ASAP3: variants seen among roughly 807,000 people sequenced by gnomAD.
ASAP3 encodes arf-GAP with SH3 domain, ANK repeat and PH domain-containing protein 3.
Under a neutral mutation model 118.2 loss-of-function variants are expected in ASAP3, and 85 were observed. The observed-to-expected ratio is 0.72, with a 90% CI of 0.60 to 0.86. The LOEUF is 0.86. Ranked by LOEUF, ASAP3 falls within the 40% of genes least tolerant of loss-of-function variation. ASAP3 has a pLI of 0.00. For missense variants in ASAP3, 1,026 were observed against 1,175.0 expected, an observed-to-expected ratio of 0.87 and a Z score of 1.85; for synonymous variants, 432 against 477.4, an observed-to-expected ratio of 0.90 and a Z score of 1.24.
chr1:23,439,558 G>A (rs746564125), intron 10 of ASAP3, among the ~76,000 whole-genome samples: 108 of 152,110 alleles, frequency 7.1e-4, no homozygotes, highest in Non-Finnish European at 2.8e-4. Flanking sequence ...TATATCATTA[G>A]GGAGCTCCTA....
rs766876537 is a variant in ASAP3 at position 23,456,042 on chromosome 1, C to T, written c.203-16G>A. ...TCCACATGGCCTGTGGAGGTACAGA[C>T]GGGAGCTTGGAGTTAGCTCCAGGCT... On this transcript the variant is annotated splice_polypyrimidine_tract_variant and intron_variant, in intron 2 of 24. Transcript: ENST00000336689. 1.4e-5 allele frequency: 23 copies of T among 1,613,878 alleles called. No homozygotes were observed. The Middle Eastern group carries it at 4.9e-4, about 35-fold the overall frequency.
intron 10 of ASAP3, among the ~76,000 whole-genome samples, chr1:23,439,634 T>C (rs1640794334): frequency 6.6e-6 from 1 of 152,138 alleles, no homozygotes; most frequent in Non-Finnish European, 1.5e-5. Context: ...AGATCAATAT[T>C]AATATCCCCA....
Position 23,483,997 on chromosome 1 carries a change from C to T in ASAP3, c.129+8G>A. Reference sequence around the variant, plus strand: ...GACCCCCGACCCCTCCCGCCTCGGCCCCCTCACCTCCTCCCGCGCCAGCGC... The same window carrying T: ...GACCCCCGACCCCTCCCGCCTCGGCTCCCTCACCTCCTCCCGCGCCAGCGC... On this transcript the variant is annotated splice_region_variant and intron_variant, in intron 1 of 24. Coordinates refer to ENST00000336689, the MANE Select transcript of ASAP3 (RefSeq NM_017707.4). The T allele has an allele frequency of 7.8e-7, 1 of 1,290,114 alleles. No homozygotes were observed. Among genetic ancestry groups the T allele is most frequent in the African/African-American group, 1.5e-5 (1 of 64,832 alleles). 79.9% of individuals were successfully genotyped at this position (1,290,114 alleles called of 1,614,324 possible). A position where few individuals can be genotyped will look rare whatever the true frequency, so the allele number is the denominator to read the frequency against.
At chr1:23,431,230 G>C (rs970320545) in intron 23 of ASAP3, 105 bp from the exon 24 acceptor site, 4 of 1,227,856 alleles carry the variant, frequency 3.3e-6, no homozygotes, top group Non-Finnish European at 4.6e-6. Context: ...TAGGATGGGT[G>C]GGTAGAGTCC....
chr1:23,453,077 C>T (rs539183002), intron 3 of ASAP3, among the ~76,000 whole-genome samples: 96 of 152,154 alleles, frequency 6.3e-4, no homozygotes, highest in Non-Finnish European at 1.2e-3. Context: ...CAGAGTGAGC[C>T]CCTTCCCTGA....
At chr1:23,466,917 G>C (rs1396651338) in intron 1 of ASAP3, among the ~76,000 whole-genome samples, 2 of 151,988 alleles carry the variant, frequency 1.3e-5, no homozygotes, top group Non-Finnish European at 2.9e-5. Context: ...GCCCAGGCTG[G>C]AGTGCAGTGG....
chr1:23,483,555 C>G lies in ASAP3; in HGVS notation c.129+450G>C, dbSNP rs531206863. 8.5e-5 allele frequency among the ~76,000 whole-genome samples: 13 copies of G among 152,174 alleles called. 1 individual carries two copies. In the South Asian group the frequency reaches 2.1e-3, roughly 24 times the overall value. ...ATTCCACAAACGCGGGCCAAATCTC[C>G]GAACCAGCCGCAAGCGGGAGGGGGC... On this transcript the variant is annotated intron_variant, in intron 1 of 24. Transcript: ENST00000336689.
chr1:23,479,448 G>A (rs572386074), intron 1 of ASAP3, among the ~76,000 whole-genome samples: 8 of 152,090 alleles, frequency 5.3e-5, no homozygotes, highest in Non-Finnish European at 1.0e-4. Context: ...CTTCTCTGAC[G>A]ATCAAAAAAC....
intron 3 of ASAP3, among the ~76,000 whole-genome samples, chr1:23,455,045 G>C (rs1435262360): frequency 6.6e-6 from 1 of 152,218 alleles, no homozygotes; most frequent in African/African-American, 2.4e-5. Flanking sequence ...CAGTGCCATG[G>C]AGCCTGGAGG....
At position 23,437,119 on chromosome 1, in the gene ASAP3, C is replaced by A; in HGVS notation, c.1342+11G>T. The A allele has an allele frequency of 6.2e-7, 1 of 1,601,504 alleles. No homozygotes were observed. Among genetic ancestry groups the A allele is most frequent in the Non-Finnish European group, 8.5e-7 (1 of 1,173,568 alleles). ...TTAAGCCTCCCTCCTGCCCCGGCCC[C>A]GGGGACCGACCTGCAGCCCCGCAGT... On this transcript the variant is annotated intron_variant, in intron 14 of 24. Transcript: ENST00000336689. The surrounding 1 kb of genome is among the most constrained non-coding windows in gnomAD (Gnocchi z 6.1).
chr1:23,476,219 G>A (rs186174523), intron 1 of ASAP3, among the ~76,000 whole-genome samples: 105 of 151,908 alleles, frequency 6.9e-4, no homozygotes, highest in African/African-American at 2.4e-3. Context: ...GGTAGCGGGC[G>A]CCTGTAGCCC....
rs761381381 is a variant in ASAP3, at chr1:23,483,996, C to A, written c.129+9G>T. 4,942 of 1,285,616 alleles carry A rather than the reference C, an allele frequency of 3.8e-3. 15 individuals carry two copies. Among genetic ancestry groups the A allele is most frequent in the Non-Finnish European group, 4.5e-3 (4,624 of 1,017,760 alleles). The allele number at this position is 1,285,616 out of a possible 1,614,324, so 79.6% of individuals were successfully genotyped here. ...CGACCCCCGACCCCTCCCGCCTCGG[C>A]CCCCTCACCTCCTCCCGCGCCAGCG... On this transcript the variant is annotated intron_variant, in intron 1 of 24. Coordinates refer to ENST00000336689, the MANE Select transcript of ASAP3 (RefSeq NM_017707.4).
chr1:23,430,693 G>A (rs926467532), intron 24 of ASAP3, among the ~76,000 whole-genome samples: 2 of 152,212 alleles, frequency 1.3e-5, no homozygotes, highest in African/African-American at 4.8e-5. Context: ...TGGGCCTCAT[G>A]ATCACTGCCA....
chr1:23,473,202 G>A (rs142426083), intron 1 of ASAP3, among the ~76,000 whole-genome samples: 130 of 152,346 alleles, frequency 8.5e-4, no homozygotes, highest in African/African-American at 3.0e-3. Flanking sequence ...CTGCTCATCA[G>A]TTACCTGGGA....
At chr1:23,460,528 C>CAAAAAA (rs1558161244) in intron 1 of ASAP3, among the ~76,000 whole-genome samples, 10 of 140,388 alleles carry the variant, frequency 7.1e-5, no homozygotes, top group African/African-American at 1.3e-4. Flanking sequence ...AAAAAAAAAC[C>CAAAAAA]AAACAAAAAC....
At chr1:23,467,876 C>T (rs541882681) in intron 1 of ASAP3, among the ~76,000 whole-genome samples, 14 of 147,712 alleles carry the variant, frequency 9.5e-5, no homozygotes, top group African/African-American at 2.0e-4. Flanking sequence ...TGCTTGAACC[C>T]GGGAGGCAGA....
intron 1 of ASAP3, among the ~76,000 whole-genome samples, chr1:23,456,483 T>TGTGCC (rs1325769625): frequency 1.2e-4 from 18 of 152,120 alleles, no homozygotes; most frequent in Non-Finnish European, 2.5e-4. Flanking sequence ...CATGACAGGG[T>TGTGCC]GTGCCAGGCC....
intron 19 of ASAP3, 33 bp from the exon 20 acceptor site, chr1:23,433,726 T>C (rs770519714): frequency 8.7e-6 from 14 of 1,613,390 alleles, no homozygotes; most frequent in African/African-American, 4.0e-5. Context: ...TTCATGGTCA[T>C]AGTCAAAGAA....
Position 23,456,140 on chromosome 1 carries a change from T to C in ASAP3, c.184A>G (p.Ile62Val), listed in dbSNP as rs369898744. ...CACTTACCAAGGCCGGAGCTATGGA[T>C]TGCCCGCACAGCCTTCTTTATTCTC... ...LQRIKKAVRA[I>V]HSSGLGHVEN... Residue 62 changes from isoleucine (I) to valine (V), a missense_variant, in exon 2 of 25, where the codon ATC becomes GTC. Physicochemically the swap from Ile to Val is conservative, Grantham distance 29. Transcript: ENST00000336689. 8.1e-6 allele frequency: 13 copies of C among 1,613,976 alleles called. No homozygotes were observed. The highest frequency in any genetic ancestry group is 4.0e-5 in the African/African-American group (3 of 74,890).
Sources: allele counts gnomAD v4.1 joint callset (sites outside exome capture counted in the v4.1 genomes callset), GRCh38; gene constraint gnomAD v4.1.1; non-coding constraint Gnocchi (gnomAD v3.1); transcripts MANE v1.5; gene names NCBI Gene and HGNC (gene_info 2026-07-23, HGNC 2026-07-21).